Variants in ZP3 observed in about 807,000 individuals in gnomAD.
The protein encoded by ZP3 is zona pellucida glycoprotein 3.
Under a neutral mutation model 35.6 loss-of-function variants are expected in ZP3, and 21 were observed. The ratio of observed to expected loss-of-function variants is 0.59; its 90% CI spans 0.42 to 0.85. The LOEUF (loss-of-function observed/expected upper bound fraction) is 0.85, where lower values mean the gene tolerates loss of function less well. Among genes scored for constraint, ZP3 ranks in the 40% least tolerant of loss-of-function variants. The probability of loss-of-function intolerance (pLI) is 0.00; values close to 1 mark genes in which losing one functional copy is unlikely to be tolerated. For missense variants in ZP3, 437 were observed against 536.5 expected, an observed-to-expected ratio of 0.81 and a Z score of 1.83; for synonymous variants, 207 against 214.5, an observed-to-expected ratio of 0.96 and a Z score of 0.31.
chr7:76,416,544 T>C (rs908483446), intron 1 of ZP3, among the ~76,000 whole-genome samples: 2 of 148,730 alleles, frequency 1.3e-5, no homozygotes, highest in South Asian at 2.2e-4. Flanking sequence ...AGGTGGCTCA[T>C]GTCTGTAATC....
rs373920691 is a variant in ZP3 at position 76,399,860 on chromosome 7, TG to T, written c.-67+2067del. On this transcript the variant is annotated intron_variant, in intron 1 of 8. Coordinates refer to the ZP3 transcript ENST00000336517. ...TTTAAAACTAGGAGAGGGGAACCAG[TG>T]GGGTGACTTGGACCTGTAGTTCCAG... is the stretch of plus-strand genomic sequence containing the variant. Among the ~76,000 whole-genome samples, 1,231 of 152,018 alleles carry T rather than the reference TG, an allele frequency of 8.1e-3. 17 individuals carry two copies. The highest frequency in any genetic ancestry group is 0.028 in the African/African-American group (1,154 of 41,484).
chr7:76,429,611 C>T lies in ZP3; in HGVS notation c.409C>T (p.Pro137Ser), dbSNP rs777422281. The T allele has an allele frequency of 1.9e-6, 3 of 1,614,070 alleles. No homozygotes were observed. The highest frequency in any genetic ancestry group is 2.2e-5 in the South Asian group (2 of 91,072). The change falls in exon 2 of 8, where the codon CCC (proline) becomes TCC (serine). Residue 137 changes from proline to serine, a missense_variant. Physicochemically the swap from Pro to Ser is moderately conservative, Grantham distance 74 (BLOSUM62 -1). Transcript: ENST00000394857. ...CGTGAGGACTAACCGCGCAGAGATT[C>T]CCATCGAGTGCCGCTACCCCAGGTC... ...SIVRTNRAEI[P>S]IECRYPRQGN...
rs1805670171 is a variant in ZP3 at position 76,426,821 on chromosome 7, G to GGAGTTTAA, written c.312+1547_312+1554dup. ...GAGATGGGAGGATCACTTGGGCCCG[G>GGAGTTTAA]GAGTTTAAGGCCACCCTGGGCAACA... On this transcript the variant is annotated intron_variant, in intron 1 of 7. Transcript: ENST00000394857. 2.7e-5 allele frequency among the ~76,000 whole-genome samples: 4 copies of GGAGTTTAA among 147,768 alleles called. No homozygotes were observed. In the South Asian group the frequency reaches 8.6e-4, roughly 32 times the overall value.
At chr7:76,426,734 T>C (rs1805666747) in intron 1 of ZP3, among the ~76,000 whole-genome samples, 1 of 151,828 alleles carries the variant, frequency 6.6e-6, no homozygotes, top group South Asian at 2.1e-4. Context: ...TTGAGACAGT[T>C]TTGCTCTTAT....
At chr7:76,436,050 T>TCCC (rs1584070739) in intron 5 of ZP3, among the ~76,000 whole-genome samples, 6 of 61,278 alleles carry the variant, frequency 9.8e-5, no homozygotes, top group African/African-American at 5.3e-4. Context: ...TTTTTTTTTT[T>TCCC]TTTTTTTTTT....
Position 76,425,109 on chromosome 7 carries a change from G to C in ZP3, c.145G>C (p.Ala49Pro). 6.2e-7 allele frequency: 1 copy of C among 1,613,946 alleles called. No individual in the cohort carries two copies. The highest frequency in any genetic ancestry group is 1.1e-5 in the South Asian group (1 of 91,076). ...VQPVLVECQE[A>P]TLMVMVSKDL... ...GCCCGTACTGGTGGAGTGTCAGGAGGCCACTCTGATGGTCATGGTCAGCAA... is the reference window on the plus strand; with the variant it reads ...GCCCGTACTGGTGGAGTGTCAGGAGCCCACTCTGATGGTCATGGTCAGCAA... The change falls in exon 1 of 8, where the codon GCC becomes CCC. Residue 49 changes from alanine to proline, a missense_variant. By Grantham distance (27) the Ala-to-Pro change is conservative (BLOSUM62 -1). This residue lies in a region of ZP3 where 352 missense variants were observed against 308.4 expected (regional missense o/e 1.14). Coordinates refer to ENST00000394857, the MANE Select transcript of ZP3 (RefSeq NM_001110354.2).
upstream of ZP3, among the ~76,000 whole-genome samples, chr7:76,423,067 G>GAAAGAAAGAAAGAAAGAAAGAAAC (rs1554624531): frequency 1.1e-3 from 158 of 143,420 alleles, no homozygotes; most frequent in African/African-American, 3.9e-3. Flanking sequence ...AAGAAAGAAA[G>GAAAGAAAGAAAGAAAGAAAGAAAC]AAAGAAAGAA....
intron 1 of ZP3, among the ~76,000 whole-genome samples, chr7:76,427,476 AC>A (rs1324054303): frequency 6.8e-6 from 1 of 146,800 alleles, no homozygotes; most frequent in East Asian, 2.0e-4. Flanking sequence ...AGATCGTGCC[AC>A]TGCACTCCAG....
At chr7:76,427,956 G>A (rs184933332) in intron 1 of ZP3, among the ~76,000 whole-genome samples, 11 of 152,254 alleles carry the variant, frequency 7.2e-5, no homozygotes, top group Non-Finnish European at 1.5e-4. Flanking sequence ...TTACAGGCAT[G>A]AGCCACTGCA....
At chr7:76,439,132 A>AG (rs1491266705) in intron 5 of ZP3, among the ~76,000 whole-genome samples, 1 of 63,196 alleles carries the variant, frequency 1.6e-5, no homozygotes, top group Non-Finnish European at 3.7e-5. Context: ...ACTCCACCTC[A>AG]AAAAAAAAAA....
intron 1 of ZP3, among the ~76,000 whole-genome samples, chr7:76,415,331 A>T (rs140461163): frequency 7.5e-6 from 1 of 132,708 alleles, no homozygotes; most frequent in Admixed American, 8.2e-5. Flanking sequence ...GCGCCACTGC[A>T]CTTCAGCCTG....
chr7:76,398,786 T>C, intron 1 of ZP3: 1 of 1,612,816 alleles, frequency 6.2e-7, no homozygotes. Flanking sequence ...GGGGGCTGCG[T>C]TGGCAAGAAT....
intron 1 of ZP3, among the ~76,000 whole-genome samples, chr7:76,428,113 G>T: frequency 6.6e-6 from 1 of 151,274 alleles, no homozygotes; most frequent in Non-Finnish European, 1.5e-5. Flanking sequence ...ATCACCTGAG[G>T]CCAGGAGTTC....
chr7:76,425,449 C>A (rs1251672587), intron 1 of ZP3, among the ~76,000 whole-genome samples, 173 bp downstream of exon 1: 1 of 152,126 alleles, frequency 6.6e-6, no homozygotes, highest in Non-Finnish European at 1.5e-5. Flanking sequence ...GGACCCAGGG[C>A]AGCTCCTGCC....
chr7:76,440,869 T>C (rs1292774947), intron 7 of ZP3, among the ~76,000 whole-genome samples: 4 of 152,050 alleles, frequency 2.6e-5, no homozygotes, highest in Admixed American at 6.6e-5. Context: ...AGGGGAAATA[T>C]AGCAGTTGTT....
intron 1 of ZP3, among the ~76,000 whole-genome samples, chr7:76,406,354 G>A (rs1805031889): frequency 6.6e-6 from 1 of 152,080 alleles, no homozygotes; most frequent in East Asian, 1.9e-4. Context: ...CTCATGTATT[G>A]TTTTATTTTC....
At chr7:76,420,691 A>G (rs1283977872), upstream of ZP3, among the ~76,000 whole-genome samples, 1 of 152,060 alleles carries the variant, frequency 6.6e-6, no homozygotes, top group Admixed American at 6.6e-5. Context: ...TGAATCTGAC[A>G]CAGAGAGTTT....
intron 2 of ZP3, among the ~76,000 whole-genome samples, chr7:76,431,297 C>T (rs73363150): frequency 2.6e-5 from 4 of 152,028 alleles, no homozygotes; most frequent in African/African-American, 7.3e-5. Context: ...GTCCTGTGAC[C>T]GTGGAAGTCT....
At chr7:76,436,222 T>G (rs1301739286) in intron 5 of ZP3, among the ~76,000 whole-genome samples, 2 of 151,994 alleles carry the variant, frequency 1.3e-5, no homozygotes, top group Non-Finnish European at 2.9e-5. Flanking sequence ...GTGCCTGTTA[T>G]ATTTTTAGTA....
Sources: gnomAD v4.1 joint callset for allele counts (sites outside exome capture counted in the v4.1 genomes callset) on GRCh38, gnomAD v4.1.1 for gene constraint, gnomAD v4.1.1 regional missense constraint, MANE v1.5 for transcripts, NCBI Gene and HGNC (gene_info 2026-07-23, HGNC 2026-07-21) for gene names.